Variants in NUP210L observed in about 807,000 individuals in gnomAD.
NUP210L encodes nucleoporin 210 like, also known as nuclear pore membrane glycoprotein 210-like.
NUP210L carries 74 observed loss-of-function variants against 208.5 expected under a neutral mutation model. The ratio of observed to expected loss-of-function variants is 0.35; its 90% CI spans 0.29 to 0.43. The LOEUF (loss-of-function observed/expected upper bound fraction) is 0.43. NUP210L is among the 20% of genes least tolerant of loss of function. The pLI is 1.00. For synonymous variants in NUP210L, 780 were observed against 816.9 expected (o/e 0.95, Z 0.77); for missense variants, 1,843 against 2,289.4 (o/e 0.81, Z 3.98).
chr1:154,037,343 C>T (rs1467805647), intron 27 of NUP210L, among the ~76,000 whole-genome samples: 5 of 152,098 alleles, frequency 3.3e-5, no homozygotes, highest in African/African-American at 1.2e-4. Flanking sequence ...ATATTATTTG[C>T]TTTATATATC....
In NUP210L at chr1:154,024,681, C is replaced by G. The variant is rs549261102; in HGVS notation, c.4122+861G>C. Reference sequence around the variant, plus strand: ...AGGACTGCAGACATGTGCCACCAAGCCCGGCTATTTTTTTTTTTTTTTCAT... The same window carrying G: ...AGGACTGCAGACATGTGCCACCAAGGCCGGCTATTTTTTTTTTTTTTTCAT... On this transcript the variant is annotated intron_variant, in intron 30 of 39. Coordinates refer to ENST00000368559, the Ensembl canonical transcript of NUP210L. 2.2e-3 allele frequency among the ~76,000 whole-genome samples: 304 copies of G among 139,758 alleles called. 3 individuals carry two copies. Among genetic ancestry groups the G allele is most frequent in the Non-Finnish European group, 1.8e-3 (120 of 66,344 alleles). The allele number at this position is 139,758 out of a possible 152,430, so 91.7% of individuals were successfully genotyped here.
chr1:153,998,386 C>T (rs1008862546), intron 37 of NUP210L, among the ~76,000 whole-genome samples: 1 of 151,758 alleles, frequency 6.6e-6, no homozygotes. Context: ...GAAACCTTGC[C>T]TCTACTAAAA....
intron 16 of NUP210L, among the ~76,000 whole-genome samples, chr1:154,074,284 AAGG>A (rs1034378148): frequency 2.6e-5 from 4 of 152,072 alleles, no homozygotes; most frequent in Non-Finnish European, 5.9e-5. Flanking sequence ...CAATTATTAC[AAGG>A]AGGATTACAA....
chr1:154,054,714 G>C (rs1046983107), intron 24 of NUP210L, 56 bp downstream of exon 24: 4 of 1,200,364 alleles, frequency 3.3e-6, no homozygotes, highest in Admixed American at 3.4e-5. Flanking sequence ...GTGTGTGAGA[G>C]AGAGAGAGAG....
At chr1:154,154,173 A>G (rs1353616610) in intron 1 of NUP210L, among the ~76,000 whole-genome samples, 2 of 152,214 alleles carry the variant, frequency 1.3e-5, no homozygotes, top group Admixed American at 6.5e-5. Flanking sequence ...TAATACAGAC[A>G]GATCTCATCT....
At chr1:154,054,464 T>A in intron 24 of NUP210L, 57 bp from the exon 25 acceptor site, 2 of 1,543,780 alleles carry the variant, frequency 1.3e-6, no homozygotes, top group Non-Finnish European at 1.8e-6. Context: ...TCATGTCTCT[T>A]TTCCCAACAT....
chr1:154,104,206 T>C, exon 13 of NUP210L: 1 of 1,613,314 alleles, frequency 6.2e-7, no homozygotes, highest in Middle Eastern at 1.7e-4. Context: ...TTTCAGGACA[T>C]GTATCTGGAG....
rs537829750 is a variant in NUP210L at position 154,036,696 on chromosome 1, C to T, written c.3697-6642G>A. On this transcript the variant is annotated intron_variant, in intron 27 of 39. Coordinates refer to ENST00000368559, the Ensembl canonical transcript of NUP210L. ...TACATATTTTTAAGAGACAGGGTCT[C>T]GCTTTGTTGCTCAGGCTGGAGTGCA... is the stretch of plus-strand genomic sequence containing the variant. 8.6e-5 allele frequency among the ~76,000 whole-genome samples: 13 copies of T among 151,396 alleles called. 1 individual carries two copies. In the South Asian group the frequency reaches 2.1e-3, roughly 24 times the overall value.
chr1:154,033,833 C>T (rs1397764488), intron 27 of NUP210L, among the ~76,000 whole-genome samples: 1 of 152,106 alleles, frequency 6.6e-6, no homozygotes, highest in Non-Finnish European at 1.5e-5. Context: ...GTAGATTACT[C>T]TGAGTAGTAT....
chr1:154,061,008 C>A (rs757897504), exon 19 of NUP210L: 16 of 1,613,482 alleles, frequency 9.9e-6, no homozygotes, highest in African/African-American at 1.3e-5. Flanking sequence ...CTACCAGGAG[C>A]AGTTCCACAT....
chr1:154,001,659 C>T, intron 36 of NUP210L, 76 bp downstream of exon 36: 1 of 1,472,428 alleles, frequency 6.8e-7, no homozygotes, highest in Non-Finnish European at 9.4e-7. Context: ...ACTTCTTTTG[C>T]CCTTGAAGTG....
intron 13 of NUP210L, among the ~76,000 whole-genome samples, chr1:154,101,961 C>T (rs1285484916): frequency 6.6e-6 from 1 of 152,026 alleles, no homozygotes; most frequent in Non-Finnish European, 1.5e-5. Flanking sequence ...ACCAGCCTGG[C>T]CAACATGGTG....
At chr1:153,997,822 T>TG (rs1649985914) in intron 37 of NUP210L, among the ~76,000 whole-genome samples, 1 of 151,604 alleles carries the variant, frequency 6.6e-6, no homozygotes. Flanking sequence ...CCCGAGTAGC[T>TG]GGGATTACAG....
rs1657059136 is a variant in NUP210L, at chr1:154,111,939, G to GT, written c.1620+5785dup. Among the ~76,000 whole-genome samples the GT allele has an allele frequency of 2.6e-5, 4 of 151,174 alleles. No homozygotes were observed. In the South Asian group the frequency reaches 8.3e-4, roughly 31 times the overall value. ...CAACACTTTTTTTTTGTTTTGTTTT[G>GT]TTTTTTCAGATGGAGTCTCACTCTG... On this transcript the variant is annotated intron_variant, in intron 12 of 39. Coordinates refer to ENST00000368559, the Ensembl canonical transcript of NUP210L.
chr1:154,056,181 T>C (rs901282051), intron 23 of NUP210L, among the ~76,000 whole-genome samples: 1 of 152,206 alleles, frequency 6.6e-6, no homozygotes, highest in African/African-American at 2.4e-5. Flanking sequence ...AGACAGGGTA[T>C]CATTCTGTCA....
intron 27 of NUP210L, among the ~76,000 whole-genome samples, chr1:154,045,119 C>T (rs1653101246): frequency 1.3e-5 from 2 of 152,068 alleles, no homozygotes; most frequent in Admixed American, 6.6e-5. Context: ...TTAAACTTGT[C>T]GTTGATATAA....
At chr1:154,001,872 T>C in exon 36 of NUP210L, 1 of 1,614,172 alleles carries the variant, frequency 6.2e-7, no homozygotes, top group Non-Finnish European at 8.5e-7. Flanking sequence ...ATTCCATTCT[T>C]GCTACGTTCA....
chr1:154,047,559 A>G (rs1162327875), intron 25 of NUP210L, among the ~76,000 whole-genome samples: 1 of 152,244 alleles, frequency 6.6e-6, no homozygotes, highest in African/African-American at 2.4e-5. Context: ...GCCACAAACA[A>G]TAGCATGAGC....
At chr1:154,040,648 G>A (rs1024750393) in intron 27 of NUP210L, among the ~76,000 whole-genome samples, 4 of 151,028 alleles carry the variant, frequency 2.6e-5, no homozygotes, top group Non-Finnish European at 5.9e-5. Context: ...GTGCAGTGGC[G>A]TGATCTTGGC....
Sources: gnomAD v4.1 joint callset for allele counts (sites outside exome capture counted in the v4.1 genomes callset) on GRCh38, gnomAD v4.1.1 for gene constraint, MANE v1.5 for transcripts, NCBI Gene and HGNC (gene_info 2026-07-23, HGNC 2026-07-21) for gene names.